The following CACNA2D1 variants were observed in gnomAD, a reference collection of about 807,000 sequenced individuals.
CACNA2D1 encodes the protein calcium voltage-gated channel auxiliary subunit alpha2delta 1, also known as voltage-dependent calcium channel subunit alpha-2/delta-1.
In CACNA2D1, 53 loss-of-function variants were observed where a neutral mutation model predicts 171.5. The observed-to-expected ratio is 0.31, with a 90% CI of 0.25 to 0.39. The LOEUF (loss-of-function observed/expected upper bound fraction) is 0.39. CACNA2D1 is among the 10% of genes least tolerant of loss of function. The pLI, the probability that CACNA2D1 is intolerant of heterozygous loss-of-function variation, is 1.00. For synonymous variants in CACNA2D1, 442 were observed against 443.1 expected (o/e 1.00, Z 0.03); for missense variants, 903 against 1,299.8 (o/e 0.69, Z 4.69).
At chr7:82,373,308 C>A (rs1403291874) in intron 1 of CACNA2D1, among the ~76,000 whole-genome samples, 2 of 152,168 alleles carry the variant, frequency 1.3e-5, no homozygotes, top group African/African-American at 4.8e-5. Context: ...ATCAAAAATT[C>A]TTTATTGTTT....
At chr7:82,205,935 T>A (rs947053211) in intron 3 of CACNA2D1, among the ~76,000 whole-genome samples, 4 of 152,136 alleles carry the variant, frequency 2.6e-5, no homozygotes, top group South Asian at 2.1e-4. Context: ...AACTTAAAAA[T>A]TTTTTTGTTA....
intron 6 of CACNA2D1, among the ~76,000 whole-genome samples, chr7:82,090,958 T>TAAG (rs891370284): frequency 2.0e-5 from 3 of 152,180 alleles, no homozygotes; most frequent in Middle Eastern, 3.4e-3. Context: ...TTGACTACCT[T>TAAG]AAGAAAAGAG....
intron 1 of CACNA2D1, among the ~76,000 whole-genome samples, chr7:82,429,071 G>C (rs1829446670): frequency 6.6e-6 from 1 of 152,164 alleles, no homozygotes; most frequent in African/African-American, 2.4e-5. Context: ...CATCCACTTT[G>C]ATGTTTCAGT....
chr7:82,196,827 T>TA (rs1554456092), intron 3 of CACNA2D1, among the ~76,000 whole-genome samples: 2 of 151,994 alleles, frequency 1.3e-5, no homozygotes, highest in South Asian at 2.1e-4. Context: ...TTTTTTTTTT[T>TA]TATATATGTG....
At chr7:82,064,422 A>G in intron 8 of CACNA2D1, 68 bp from the exon 9 acceptor site, 1 of 1,184,030 alleles carries the variant, frequency 8.4e-7, no homozygotes, top group South Asian at 1.3e-5. Context: ...TGTTGAATTG[A>G]TATTTACTGA....
chr7:82,110,568 G>A (rs533259879), intron 6 of CACNA2D1, among the ~76,000 whole-genome samples: 2 of 152,186 alleles, frequency 1.3e-5, no homozygotes, highest in South Asian at 2.1e-4. Context: ...TCGTCCATAG[G>A]GCTGTGGCTG....
intron 1 of CACNA2D1, among the ~76,000 whole-genome samples, chr7:82,408,610 G>A (rs1827319801): frequency 6.6e-6 from 1 of 152,132 alleles, no homozygotes; most frequent in Non-Finnish European, 1.5e-5. Context: ...CTCTGATACT[G>A]TTGAGATAAC....
intron 7 of CACNA2D1, among the ~76,000 whole-genome samples, chr7:82,078,200 A>C (rs114545592): frequency 1.6e-4 from 24 of 152,308 alleles, no homozygotes; most frequent in African/African-American, 4.8e-4. Context: ...AGGGCAGAGA[A>C]AGAACAAATA....
intron 3 of CACNA2D1, among the ~76,000 whole-genome samples, chr7:82,200,914 A>C (rs1799358182): frequency 6.6e-6 from 1 of 152,226 alleles, no homozygotes; most frequent in African/African-American, 2.4e-5. Context: ...GGAGAACGAT[A>C]AGGCATGCGT....
At position 81,964,220 on chromosome 7, in the gene CACNA2D1, C is replaced by T. The variant is rs1013862654; in HGVS notation, c.2714G>A (p.Arg905His). 6.2e-6 allele frequency: 10 copies of T among 1,612,662 alleles called. No homozygotes were observed. The highest frequency in any genetic ancestry group is 3.3e-5 in the South Asian group (3 of 91,074). ...GATATTACTGACCACATATGCTGAG[C>T]GATGTCCTGCTCCTTGTTTTGGTGC... Reference protein sequence around the residue: ...GAAPKQGAGHRSAYVPSVADI... With the variant: ...GAAPKQGAGHHSAYVPSVADI... The change falls in exon 33 of 39, where the codon CGC (arginine) becomes CAC (histidine). Residue 905 changes from arginine (R) to histidine (H), a missense_variant. Arg to His is a conservative substitution (Grantham distance 29). Around this residue, in one of 5 missense-constraint regions of CACNA2D1, gnomAD observed 623 missense variants for 925.5 expected, o/e 0.67. Coordinates refer to ENST00000356860, the MANE Select transcript of CACNA2D1 (RefSeq NM_000722.4).
At chr7:82,381,236 C>A (rs973504473) in intron 1 of CACNA2D1, among the ~76,000 whole-genome samples, 2 of 151,090 alleles carry the variant, frequency 1.3e-5, no homozygotes, top group African/African-American at 4.9e-5. Flanking sequence ...ATGGCGTGAA[C>A]CCGGCAGGCG....
chr7:82,132,059 C>T (rs370997116), intron 5 of CACNA2D1, among the ~76,000 whole-genome samples: 2 of 152,124 alleles, frequency 1.3e-5, no homozygotes, highest in East Asian at 1.9e-4. Context: ...CATGTATTTA[C>T]AGTTCTTGAC....
intron 3 of CACNA2D1, among the ~76,000 whole-genome samples, chr7:82,264,912 T>G (rs1439052004): frequency 6.6e-6 from 1 of 152,210 alleles, no homozygotes; most frequent in Non-Finnish European, 1.5e-5. Context: ...TCCCCATTGT[T>G]TCCCATTTCA....
chr7:82,064,463 A>C lies in CACNA2D1; in HGVS notation c.729-109T>G, dbSNP rs1807354460. 9 of 729,672 alleles carry C rather than the reference A, an allele frequency of 1.2e-5. No individual in the cohort carries two copies. In the East Asian group the frequency reaches 2.2e-4, roughly 18 times the overall value. 45.2% of individuals were successfully genotyped at this position (729,672 alleles called of 1,614,324 possible). A position where few individuals can be genotyped will look rare whatever the true frequency, so the allele number is the denominator to read the frequency against. ...AGACAAGGTTTTTTTCCCCAAGCAAAGACCCACTTCTATCTAAGTAGACAA... is the reference window on the plus strand; with the variant it reads ...AGACAAGGTTTTTTTCCCCAAGCAACGACCCACTTCTATCTAAGTAGACAA... On this transcript the variant is annotated intron_variant, in intron 8 of 38. Transcript: ENST00000356860.
chr7:82,172,290 A>C (rs990526366), intron 3 of CACNA2D1, among the ~76,000 whole-genome samples: 1 of 152,078 alleles, frequency 6.6e-6, no homozygotes, highest in African/African-American at 2.4e-5. Flanking sequence ...GGAACACTGC[A>C]TCATAATACT....
Position 81,948,803 on chromosome 7 carries a change from GT to G in CACNA2D1, c.*1588del, listed in dbSNP as rs1792249140. 6.6e-6 allele frequency: 1 copy of G among 151,824 alleles called. No individual in the cohort carries two copies. Among genetic ancestry groups the G allele is most frequent in the Non-Finnish European group, 1.5e-5 (1 of 67,844 alleles). The allele number at this position is 151,824 out of a possible 1,614,324, so 9.4% of individuals were successfully genotyped here. The stretch of plus-strand genomic sequence containing the variant: ...CTATTCTTAGAATTACACATTCATA[GT>G]TTTTACCTTTTCTTCAAATACTGTT... On this transcript the variant is annotated 3_prime_UTR_variant, in exon 39 of 39. Transcript: ENST00000356860.
intron 1 of CACNA2D1, among the ~76,000 whole-genome samples, chr7:82,414,278 T>A (rs368048384): frequency 1.3e-5 from 2 of 152,162 alleles, no homozygotes; most frequent in Admixed American, 6.6e-5. Context: ...ATTGCCTCAT[T>A]TGAAAGTCAC....
At chr7:82,334,387 C>T (rs546821804) in intron 3 of CACNA2D1, among the ~76,000 whole-genome samples, 1 of 152,266 alleles carries the variant, frequency 6.6e-6, no homozygotes, top group African/African-American at 2.4e-5. Context: ...GAAAATTCAG[C>T]AGCACTATTC....
chr7:82,102,645 A>G (rs1812815307), intron 6 of CACNA2D1, among the ~76,000 whole-genome samples: 1 of 152,156 alleles, frequency 6.6e-6, no homozygotes. Flanking sequence ...TTTTCATTCA[A>G]CGAAGGAACT....
Sources: gnomAD v4.1 joint callset for allele counts (sites outside exome capture counted in the v4.1 genomes callset) on GRCh38, gnomAD v4.1.1 for gene constraint, gnomAD v4.1.1 regional missense constraint, MANE v1.5 for transcripts, NCBI Gene and HGNC (gene_info 2026-07-23, HGNC 2026-07-21) for gene names.